The following OPCML variants were observed in gnomAD, a reference collection of about 807,000 sequenced individuals.
The protein encoded by OPCML is opioid-binding protein/cell adhesion molecule.
OPCML carries 13 observed loss-of-function variants against 37.8 expected under a neutral mutation model. That is an observed-to-expected ratio of 0.34 (90% CI 0.22 to 0.55). The LOEUF is 0.55. Ranked by LOEUF, OPCML falls within the 20% of genes least tolerant of loss-of-function variation. OPCML has a pLI of 0.91. For synonymous variants in OPCML, 176 were observed against 168.8 expected, an observed-to-expected ratio of 1.04 and a Z score of -0.33; for missense variants, 341 against 435.6, an observed-to-expected ratio of 0.78 and a Z score of 1.93.
intron 2 of OPCML, among the ~76,000 whole-genome samples, chr11:132,793,737 G>A (rs926577503): frequency 2.0e-5 from 3 of 152,136 alleles, no homozygotes; most frequent in Admixed American, 6.5e-5. Context: ...CTCCTAATAT[G>A]TCTCAAGTCT....
chr11:133,420,301 A>G (rs1945860901), intron 1 of OPCML: 2 of 985,378 alleles, frequency 2.0e-6, no homozygotes, highest in South Asian at 4.7e-5. Flanking sequence ...CACGAAGTGC[A>G]AATTAATCCT....
intron 2 of OPCML, among the ~76,000 whole-genome samples, chr11:132,851,457 C>T (rs1046771702): frequency 3.3e-5 from 5 of 152,126 alleles, no homozygotes; most frequent in Admixed American, 6.6e-5. Context: ...GCAGTGTGGA[C>T]GAACAGCTTC....
At chr11:132,956,264 C>A (rs1273760428) in intron 1 of OPCML, among the ~76,000 whole-genome samples, 1 of 152,068 alleles carries the variant, frequency 6.6e-6, no homozygotes, top group Non-Finnish European at 1.5e-5. Flanking sequence ...AAGCAGGTAG[C>A]CGTACCACGT....
chr11:133,038,238 T>G (rs1947818509), intron 1 of OPCML, among the ~76,000 whole-genome samples: 1 of 152,228 alleles, frequency 6.6e-6, no homozygotes, highest in Non-Finnish European at 1.5e-5. Context: ...ATGTGGGCCA[T>G]GCCTTTGGTC....
chr11:132,637,772 A>G (rs2135712909), intron 3 of OPCML, among the ~76,000 whole-genome samples: 1 of 152,260 alleles, frequency 6.6e-6, no homozygotes, highest in African/African-American at 2.4e-5. Flanking sequence ...ACACATAGAC[A>G]TTGTCCATAT....
chr11:133,268,322 A>T (rs1941720893), intron 1 of OPCML, among the ~76,000 whole-genome samples: 1 of 152,266 alleles, frequency 6.6e-6, no homozygotes, highest in Admixed American at 6.5e-5. Flanking sequence ...AATAACTGAA[A>T]GGGACATTTC....
chr11:133,352,163 G>C (rs1944155367), intron 1 of OPCML, among the ~76,000 whole-genome samples: 1 of 152,144 alleles, frequency 6.6e-6, no homozygotes, highest in Non-Finnish European at 1.5e-5. Context: ...AAGCCTTCAG[G>C]ACTTACTATA....
At chr11:132,728,189 CCT>C (rs1299179628) in intron 2 of OPCML, among the ~76,000 whole-genome samples, 1 of 152,230 alleles carries the variant, frequency 6.6e-6, no homozygotes, top group African/African-American at 2.4e-5. Context: ...GCGCCCGCAC[CCT>C]GTCTCCCCTG....
chr11:132,792,588 T>A (rs969859179), intron 2 of OPCML, among the ~76,000 whole-genome samples: 17 of 152,162 alleles, frequency 1.1e-4, no homozygotes, highest in African/African-American at 3.9e-4. Flanking sequence ...TTTCCATAGG[T>A]TCCTTTAAGA....
intron 4 of OPCML, among the ~76,000 whole-genome samples, chr11:132,453,098 C>T (rs1049412068): frequency 6.6e-6 from 1 of 152,168 alleles, no homozygotes; most frequent in Non-Finnish European, 1.5e-5. Context: ...ACTTCCTTGA[C>T]TTTAGGGTCT....
At chr11:132,550,438 T>G (rs1015964194) in intron 3 of OPCML, among the ~76,000 whole-genome samples, 3 of 152,144 alleles carry the variant, frequency 2.0e-5, no homozygotes, top group African/African-American at 7.2e-5. Flanking sequence ...TCTCTCTTGC[T>G]CCTGCTCTGG....
chr11:133,386,830 C>T lies in OPCML; in HGVS notation c.61+145434G>A, dbSNP rs186940565. ...CCACTGGGAGCGAAAACTGGCAGTCCAGCCCCACACGGCAGCAGGGACAGA... is the reference window on the plus strand; with the variant it reads ...CCACTGGGAGCGAAAACTGGCAGTCTAGCCCCACACGGCAGCAGGGACAGA... On this transcript the variant is annotated intron_variant, in intron 1 of 7. Coordinates refer to ENST00000524381, the MANE Select transcript of OPCML (RefSeq NM_001012393.5). 2.5e-3 allele frequency among the ~76,000 whole-genome samples: 379 copies of T among 152,282 alleles called. 2 individuals are homozygous for T. Among genetic ancestry groups the T allele is most frequent in the African/African-American group, 7.7e-3 (318 of 41,560 alleles).
At chr11:132,957,131 A>T (rs1945991381) in intron 1 of OPCML, among the ~76,000 whole-genome samples, 1 of 152,114 alleles carries the variant, frequency 6.6e-6, no homozygotes, top group Non-Finnish European at 1.5e-5. Context: ...ACCTTGTCTC[A>T]AACCAAAACC....
intron 1 of OPCML, among the ~76,000 whole-genome samples, chr11:133,011,108 A>G (rs1401285678): frequency 6.6e-6 from 1 of 152,226 alleles, no homozygotes; most frequent in Non-Finnish European, 1.5e-5. Context: ...TTAAGAAAAT[A>G]AGAATCTGGC....
rs149548644 is a variant in OPCML, at chr11:132,475,962, G to A, written c.506-38603C>T. Among the ~76,000 whole-genome samples, 13 of 152,090 alleles carry A rather than the reference G, an allele frequency of 8.5e-5. No individual in the cohort carries two copies. The South Asian group carries it at 1.0e-3, about 12-fold the overall frequency. ...TGTGCAAGTAACCTAACCTCTTTTCGCCCCAGTTTTCTCATCTGTGAAATG... is the reference window on the plus strand; with the variant it reads ...TGTGCAAGTAACCTAACCTCTTTTCACCCCAGTTTTCTCATCTGTGAAATG... On this transcript the variant is annotated intron_variant, in intron 4 of 7. Coordinates refer to ENST00000524381, the MANE Select transcript of OPCML (RefSeq NM_001012393.5).
chr11:133,112,310 AGGGGAAAGAAAC>A (rs1565453480), intron 1 of OPCML, among the ~76,000 whole-genome samples: 42 of 91,380 alleles, frequency 4.6e-4, no homozygotes, highest in East Asian at 1.3e-3. Flanking sequence ...AAAAAAAAAA[AGGGGAAAGAAAC>A]AAAATATCTC....
chr11:133,007,073 C>T, intron 1 of OPCML: 1 of 985,384 alleles, frequency 1.0e-6, no homozygotes, highest in Non-Finnish European at 1.2e-6. Context: ...GACTTTGAGA[C>T]CAGATGTCAA....
chr11:133,220,136 G>T (rs571958), intron 1 of OPCML, among the ~76,000 whole-genome samples: 2 of 152,064 alleles, frequency 1.3e-5, no homozygotes, highest in South Asian at 2.1e-4. Context: ...TTGGACACTG[G>T]CAGTGGAGGT....
chr11:133,498,332 A>C (rs547069085), intron 1 of OPCML, among the ~76,000 whole-genome samples: 5 of 152,320 alleles, frequency 3.3e-5, no homozygotes, highest in Non-Finnish European at 5.9e-5. Context: ...TGAAGTAGAG[A>C]CAATGCCAGA....
Sources: gnomAD v4.1 joint callset for allele counts (sites outside exome capture counted in the v4.1 genomes callset) on GRCh38, gnomAD v4.1.1 for gene constraint, MANE v1.5 for transcripts, NCBI Gene and HGNC (gene_info 2026-07-23, HGNC 2026-07-21) for gene names.